Variants in ZNF566 observed in about 807,000 individuals in gnomAD.
ZNF566 encodes the protein zinc finger protein 566.
In ZNF566, 27 loss-of-function variants were observed where a neutral mutation model predicts 32.8. The ratio of observed to expected loss-of-function variants is 0.82; its 90% CI spans 0.61 to 1.14. The LOEUF is 1.14. ZNF566 is among the 50% of genes most tolerant of loss of function. The pLI is 0.00. For synonymous variants in ZNF566, 154 were observed against 159.5 expected (o/e 0.97, Z 0.26); for missense variants, 402 against 490.4 (o/e 0.82, Z 1.70).
At chr19:36,458,636 C>T (rs779249608) in intron 4 of ZNF566, among the ~76,000 whole-genome samples, 1 of 151,972 alleles carries the variant, frequency 6.6e-6, no homozygotes, top group Non-Finnish European at 1.5e-5. Flanking sequence ...AATGGTAATA[C>T]CAGTACAGAA....
At chr19:36,458,991 T>A (rs934227111) in intron 4 of ZNF566, among the ~76,000 whole-genome samples, 10 of 152,148 alleles carry the variant, frequency 6.6e-5, no homozygotes, top group African/African-American at 2.4e-4. Context: ...GTAGCTGGGA[T>A]TACAGGCATG....
chr19:36,455,113 T>C (rs2033266461), intron 4 of ZNF566, among the ~76,000 whole-genome samples: 1 of 152,144 alleles, frequency 6.6e-6, no homozygotes, highest in African/African-American at 2.4e-5. Context: ...CCTAAAACCA[T>C]ATGATCATTT....
Position 36,449,902 on chromosome 19 carries a change from C to T in ZNF566, c.332G>A (p.Arg111His), listed in dbSNP as rs774309122. 34 of 1,613,922 alleles carry T rather than the reference C, an allele frequency of 2.1e-5. No individual in the cohort carries two copies. In the Admixed American group the frequency reaches 4.2e-4, roughly 20 times the overall value. Residue 111 changes from arginine to histidine, a missense_variant, in exon 5 of 5, where the codon CGT (arginine) becomes CAT (histidine). Transcript: ENST00000452939. ...TCTGAAACTGGAGCACTGAAAATCACGTCTTGTGAGTTTTTCCATTATTTC... is the reference window on the plus strand; with the variant it reads ...TCTGAAACTGGAGCACTGAAAATCATGTCTTGTGAGTTTTTCCATTATTTC... ...QWEIMEKLTR[R>H]DFQCSSFRDD...
At chr19:36,462,179 G>A (rs2033482954) in intron 4 of ZNF566, among the ~76,000 whole-genome samples, 1 of 151,768 alleles carries the variant, frequency 6.6e-6, no homozygotes, top group South Asian at 2.1e-4. Context: ...GTAGAGATGG[G>A]GTTTCTCCAT....
intron 4 of ZNF566, among the ~76,000 whole-genome samples, chr19:36,462,002 T>G (rs2033476580): frequency 6.6e-6 from 1 of 151,706 alleles, no homozygotes; most frequent in Non-Finnish European, 1.5e-5. Flanking sequence ...TTTTTTTTTT[T>G]TTTGGAGATG....
intron 4 of ZNF566, among the ~76,000 whole-genome samples, chr19:36,453,511 ATT>A (rs1212435715): frequency 2.2e-4 from 12 of 55,498 alleles, no homozygotes; most frequent in Non-Finnish European, 4.7e-4. Context: ...AAATAAATTA[ATT>A]AATTAAAATA....
intron 1 of ZNF566, among the ~76,000 whole-genome samples, chr19:36,483,308 C>A (rs2034080686): frequency 1.3e-5 from 2 of 152,102 alleles, no homozygotes; most frequent in Non-Finnish European, 2.9e-5. Context: ...TGTGTATTTT[C>A]TCACTCTCTC....
intron 1 of ZNF566, among the ~76,000 whole-genome samples, chr19:36,478,989 T>C (rs2145699271): frequency 6.6e-6 from 1 of 152,314 alleles, no homozygotes; most frequent in South Asian, 2.1e-4. Context: ...TGATGAACAC[T>C]GATGCCTACG....
rs144728092 is a variant in ZNF566, at chr19:36,456,909, G to A, written c.233-6908C>T. Among the ~76,000 whole-genome samples, 781 of 152,130 alleles carry A rather than the reference G, an allele frequency of 5.1e-3. 4 individuals carry two copies. Among genetic ancestry groups the A allele is most frequent in the Admixed American group, 0.011 (161 of 15,262 alleles). On this transcript the variant is annotated intron_variant, in intron 4 of 4. Transcript: ENST00000452939. ...CAAAAACAATCCTAAAATTCATATG[G>A]AACCATAAAAGACCCTGAAGAGTCA...
chr19:36,465,905 G>A (rs1206827186), intron 4 of ZNF566, among the ~76,000 whole-genome samples: 1 of 151,236 alleles, frequency 6.6e-6, no homozygotes, highest in Non-Finnish European at 1.5e-5. Flanking sequence ...TATAAAGGCA[G>A]TATAAATATA....
At chr19:36,462,070 C>T (rs1185300346) in intron 4 of ZNF566, among the ~76,000 whole-genome samples, 1 of 150,084 alleles carries the variant, frequency 6.7e-6, no homozygotes, top group Non-Finnish European at 1.5e-5. Flanking sequence ...CTCACCCCAA[C>T]CTCTGCCTCC....
At position 36,472,919 on chromosome 19, in the gene ZNF566, T is replaced by G. The variant is rs1600166095; in HGVS notation, c.224A>C (p.Gln75Pro). 1 of 1,613,258 alleles carries G rather than the reference T, an allele frequency of 6.2e-7. No individual in the cohort carries two copies. The highest frequency in any genetic ancestry group is 8.5e-7 in the Non-Finnish European group (1 of 1,179,696). ...WLADRELTRG[Q>P]WPVLESRCET... is the part of the protein sequence containing the mutation. ...TGCTGTGCCTCACTTACCTGGCCAC[T>G]GGCCTCTTGTTAGCTCTCTGTCAGC... The change falls in exon 4 of 5, where the codon CAG (glutamine) becomes CCG (proline). Residue 75 changes from glutamine to proline, a missense_variant. Coordinates refer to ENST00000452939, the MANE Select transcript of ZNF566 (RefSeq NM_001145344.1).
At chr19:36,459,825 T>C (rs955428396) in intron 4 of ZNF566, among the ~76,000 whole-genome samples, 15 of 150,186 alleles carry the variant, frequency 1.0e-4, no homozygotes, top group Non-Finnish European at 1.8e-4. Context: ...ATTACTTTTT[T>C]TTTTTTTTTT....
Position 36,476,587 on chromosome 19 carries a change from T to C in ZNF566, c.-30A>G. 6.2e-7 allele frequency: 1 copy of C among 1,613,384 alleles called. No individual in the cohort carries two copies. Among genetic ancestry groups the C allele is most frequent in the Non-Finnish European group, 8.5e-7 (1 of 1,179,694 alleles). On this transcript the variant is annotated 5_prime_UTR_variant, in exon 2 of 5. Coordinates refer to ENST00000452939, the MANE Select transcript of ZNF566 (RefSeq NM_001145344.1). ...CTGATATTTGTAGAAAAGGACCTTC[T>C]CTTGGCTCTTCTTTTGGAGAAGGGT...
chr19:36,461,315 T>A (rs895410437), intron 4 of ZNF566, among the ~76,000 whole-genome samples: 1 of 152,288 alleles, frequency 6.6e-6, no homozygotes, highest in African/African-American at 2.4e-5. Context: ...AGTTACTAGG[T>A]TGTTACTTCA....
rs2033041304 is a variant in ZNF566, at chr19:36,448,087, T to C, written c.*890A>G. 8 of 152,194 alleles carry C rather than the reference T, an allele frequency of 5.3e-5. No homozygotes were observed. In the South Asian group the frequency reaches 1.7e-3, roughly 31 times the overall value. The allele number at this position is 152,194 out of a possible 1,614,324, so 9.4% of individuals were successfully genotyped here. On this transcript the variant is annotated 3_prime_UTR_variant, in exon 5 of 5. Coordinates refer to ENST00000452939, the MANE Select transcript of ZNF566 (RefSeq NM_001145344.1). Reference sequence around the variant, plus strand: ...TTTATAATTTTTACTGAGACACGCATGTATATATGAACAGAAAAATGATCA... The same window carrying C: ...TTTATAATTTTTACTGAGACACGCACGTATATATGAACAGAAAAATGATCA...
At chr19:36,488,173 A>G (rs1002532626) in intron 1 of ZNF566, among the ~76,000 whole-genome samples, 4 of 152,072 alleles carry the variant, frequency 2.6e-5, no homozygotes, top group Admixed American at 1.3e-4. Flanking sequence ...GCTGCAAAGC[A>G]CTGGGCTCAA....
chr19:36,455,857 G>A (rs2967536), intron 4 of ZNF566, among the ~76,000 whole-genome samples: 15,647 of 151,938 alleles, frequency 0.1, 1,378 homozygotes, highest in African/African-American at 0.25. Flanking sequence ...TGGCTAACAC[G>A]GTGAAACCTC....
At chr19:36,459,364 G>C (rs944992209) in intron 4 of ZNF566, among the ~76,000 whole-genome samples, 3 of 152,108 alleles carry the variant, frequency 2.0e-5, no homozygotes, top group Non-Finnish European at 4.4e-5. Flanking sequence ...ACAGGCATGA[G>C]ACACCATGCC....
Sources: gnomAD v4.1 joint callset for allele counts (sites outside exome capture counted in the v4.1 genomes callset) on GRCh38, gnomAD v4.1.1 for gene constraint, MANE v1.5 for transcripts, NCBI Gene and HGNC (gene_info 2026-07-23, HGNC 2026-07-21) for gene names.